The following SH3GL2 variants were observed in gnomAD, a reference collection of about 807,000 sequenced individuals.
SH3GL2 encodes the protein SH3 domain containing GRB2 like 2, endophilin A1, also known as endophilin-A1.
In SH3GL2, 24 loss-of-function variants were observed where a neutral mutation model predicts 46.0. The ratio of observed to expected loss-of-function variants is 0.52; its 90% CI spans 0.38 to 0.73. SH3GL2 has a LOEUF of 0.73. Among genes scored for constraint, SH3GL2 ranks in the 30% least tolerant of loss-of-function variants. SH3GL2 has a pLI of 0.00. For synonymous variants in SH3GL2, 196 were observed against 147.1 expected, an observed-to-expected ratio of 1.33 and a Z score of -2.40; for missense variants, 413 against 424.2, an observed-to-expected ratio of 0.97 and a Z score of 0.23.
At chr9:17,724,189 C>A (rs1344804058) in intron 1 of SH3GL2, among the ~76,000 whole-genome samples, 8 of 152,018 alleles carry the variant, frequency 5.3e-5, no homozygotes, top group African/African-American at 1.9e-4. Flanking sequence ...CCTCTCTGTT[C>A]TTTGGATCAT....
At chr9:17,770,038 C>T (rs544564570) in intron 3 of SH3GL2, among the ~76,000 whole-genome samples, 6 of 152,274 alleles carry the variant, frequency 3.9e-5, no homozygotes, top group Admixed American at 2.6e-4. Flanking sequence ...TACATAAGCT[C>T]CATCTTACGG....
At chr9:17,637,055 A>G (rs957407392) in intron 1 of SH3GL2, among the ~76,000 whole-genome samples, 3 of 152,200 alleles carry the variant, frequency 2.0e-5, no homozygotes, top group African/African-American at 7.2e-5. Context: ...CTAGTGCATG[A>G]AGTATTTATG....
chr9:17,645,550 C>G (rs1241836255), intron 1 of SH3GL2, among the ~76,000 whole-genome samples: 1 of 152,002 alleles, frequency 6.6e-6, no homozygotes, highest in Non-Finnish European at 1.5e-5. Context: ...TTCAGGAGTT[C>G]TTGTAAGGCA....
chr9:17,681,702 T>C (rs1175636227), intron 1 of SH3GL2, among the ~76,000 whole-genome samples: 1 of 151,968 alleles, frequency 6.6e-6, no homozygotes, highest in East Asian at 1.9e-4. Context: ...AATTGGCAAA[T>C]GGAGGATCTC....
chr9:17,773,314 G>A (rs1029559761), intron 3 of SH3GL2, among the ~76,000 whole-genome samples: 2 of 151,974 alleles, frequency 1.3e-5, no homozygotes, highest in South Asian at 2.1e-4. Context: ...CTTAACTTTC[G>A]TGAAGTCCAA....
At chr9:17,605,877 T>G (rs781387696) in intron 1 of SH3GL2, among the ~76,000 whole-genome samples, 3 of 152,132 alleles carry the variant, frequency 2.0e-5, no homozygotes, top group Non-Finnish European at 4.4e-5. Context: ...CCTTCCTGTA[T>G]GGGTGTGGCC....
chr9:17,620,229 G>C (rs113890796), intron 1 of SH3GL2, among the ~76,000 whole-genome samples: 3,466 of 152,216 alleles, frequency 0.023, 135 homozygotes, highest in African/African-American at 0.079. Flanking sequence ...AATCTTACTG[G>C]TATGTGATCA....
chr9:17,614,295 G>GAAAAAAAAAAAAAAAAAAA (rs3084628), intron 1 of SH3GL2, among the ~76,000 whole-genome samples: 2 of 70,302 alleles, frequency 2.8e-5, no homozygotes, highest in African/African-American at 5.8e-5. Context: ...CATGGTTTCT[G>GAAAAAAAAAAAAAAAAAAA]AAAAAAAAAA....
Position 17,610,838 on chromosome 9 carries a change from CTTATG to C in SH3GL2, c.45+31557_45+31561del, listed in dbSNP as rs1048290117. Reference sequence around the variant, plus strand: ...AGTGCCCCCTCAAAATGAGAGTTGTCTTATGTTATGGGACGCTTTTTTGGTGAATA... The same window carrying C: ...AGTGCCCCCTCAAAATGAGAGTTGTCTTATGGGACGCTTTTTTGGTGAATA... On this transcript the variant is annotated intron_variant, in intron 1 of 8. Coordinates refer to ENST00000380607, the MANE Select transcript of SH3GL2 (RefSeq NM_003026.5). Among the ~76,000 whole-genome samples the C allele has an allele frequency of 1.4e-4, 21 of 151,950 alleles. 1 individual carries two copies. The highest frequency in any genetic ancestry group is 3.2e-3 in the Middle Eastern group (1 of 316).
At chr9:17,605,497 T>C (rs1478739305) in intron 1 of SH3GL2, among the ~76,000 whole-genome samples, 1 of 152,016 alleles carries the variant, frequency 6.6e-6, no homozygotes, top group Non-Finnish European at 1.5e-5. Context: ...GCTAGAAATA[T>C]AAAGGGTAAT....
chr9:17,700,925 A>C (rs987303434), intron 1 of SH3GL2, among the ~76,000 whole-genome samples: 2 of 152,216 alleles, frequency 1.3e-5, no homozygotes, highest in African/African-American at 4.8e-5. Flanking sequence ...AGAAGAACTC[A>C]TCTCAAAGCC....
At chr9:17,648,247 C>T (rs1235742057) in intron 1 of SH3GL2, among the ~76,000 whole-genome samples, 1 of 152,010 alleles carries the variant, frequency 6.6e-6, no homozygotes, top group Non-Finnish European at 1.5e-5. Context: ...TCAAGGATTC[C>T]ACTTGTATAT....
intron 3 of SH3GL2, among the ~76,000 whole-genome samples, chr9:17,777,719 C>G (rs1218322824): frequency 1.3e-5 from 2 of 151,940 alleles, no homozygotes; most frequent in East Asian, 3.9e-4. Flanking sequence ...CTCTCTCTTC[C>G]TCTCTTATAA....
chr9:17,789,334 C>G, intron 5 of SH3GL2, 58 bp from the exon 6 acceptor site: 1 of 1,443,610 alleles, frequency 6.9e-7, no homozygotes, highest in East Asian at 2.3e-5. Flanking sequence ...GAAGTGAGCT[C>G]AAATAAGCCT....
intron 1 of SH3GL2, among the ~76,000 whole-genome samples, chr9:17,686,639 G>A (rs980937495): frequency 9.6e-6 from 1 of 103,820 alleles, no homozygotes; most frequent in Non-Finnish European, 1.8e-5. Flanking sequence ...GTCCTTTGTA[G>A]GGACATGGAT....
At chr9:17,734,633 G>A (rs942794159) in intron 1 of SH3GL2, among the ~76,000 whole-genome samples, 2 of 152,106 alleles carry the variant, frequency 1.3e-5, no homozygotes, top group East Asian at 1.9e-4. Flanking sequence ...AAGGAATGAA[G>A]CAGTGATACA....
intron 1 of SH3GL2, among the ~76,000 whole-genome samples, chr9:17,710,756 A>G (rs1323139212): frequency 6.6e-6 from 1 of 151,980 alleles, no homozygotes; most frequent in Non-Finnish European, 1.5e-5. Context: ...TAAACCTTAT[A>G]GACATTATAC....
At chr9:17,616,120 A>T (rs1316579063) in intron 1 of SH3GL2, among the ~76,000 whole-genome samples, 1 of 152,164 alleles carries the variant, frequency 6.6e-6, no homozygotes, top group Non-Finnish European at 1.5e-5. Flanking sequence ...CATCAGCCTT[A>T]ATGTTTTAGG....
intron 1 of SH3GL2, among the ~76,000 whole-genome samples, chr9:17,632,874 T>C (rs1238843950): frequency 2.0e-5 from 3 of 152,232 alleles, no homozygotes; most frequent in East Asian, 3.8e-4. Flanking sequence ...GGTCCAGCTT[T>C]GTTGTAAACA....
Sources: allele counts gnomAD v4.1 joint callset (sites outside exome capture counted in the v4.1 genomes callset), GRCh38; gene constraint gnomAD v4.1.1; transcripts MANE v1.5; gene names NCBI Gene and HGNC (gene_info 2026-07-23, HGNC 2026-07-21).